GPC6: variants seen among roughly 807,000 people sequenced by gnomAD.
GPC6 encodes the protein glypican 6, also known as glypican-6.
Under a neutral mutation model 55.2 loss-of-function variants are expected in GPC6, and 14 were observed. That is an observed-to-expected ratio of 0.25 (90% CI 0.17 to 0.40). GPC6 has a LOEUF of 0.40. GPC6 is among the 10% of genes least tolerant of loss of function. The pLI is 1.00. For synonymous variants in GPC6, 278 were observed against 259.6 expected (o/e 1.07, Z -0.68); for missense variants, 641 against 708.5 (o/e 0.90, Z 1.08).
chr13:93,817,348 C>T (rs1015432790), intron 2 of GPC6, among the ~76,000 whole-genome samples: 3 of 150,388 alleles, frequency 2.0e-5, no homozygotes, highest in African/African-American at 7.3e-5. Context: ...TAGATTTATC[C>T]TTCTTGTGAG....
At chr13:93,490,474 T>A in intron 1 of GPC6, among the ~76,000 whole-genome samples, 1 of 145,096 alleles carries the variant, frequency 6.9e-6, no homozygotes, top group African/African-American at 2.6e-5. Flanking sequence ...TTTTTTTTTT[T>A]TTTCAACTTG....
chr13:93,901,118 T>A (rs1876325232), intron 3 of GPC6, among the ~76,000 whole-genome samples: 1 of 152,180 alleles, frequency 6.6e-6, no homozygotes, highest in Non-Finnish European at 1.5e-5. Context: ...AAAACGATGA[T>A]CAATTGACTA....
chr13:93,274,251 T>C (rs1594066425), intron 1 of GPC6, among the ~76,000 whole-genome samples: 1 of 152,120 alleles, frequency 6.6e-6, no homozygotes, highest in East Asian at 1.9e-4. Flanking sequence ...TTTAGGGTAT[T>C]GTATTATGGA....
chr13:93,740,097 A>G, intron 2 of GPC6, among the ~76,000 whole-genome samples: 1 of 152,198 alleles, frequency 6.6e-6, no homozygotes, highest in East Asian at 1.9e-4. Context: ...GATCTAAGTC[A>G]TTGAAGAATT....
chr13:93,665,502 A>G (rs1395257694), intron 2 of GPC6, among the ~76,000 whole-genome samples: 3 of 152,144 alleles, frequency 2.0e-5, no homozygotes, highest in African/African-American at 7.2e-5. Flanking sequence ...GTGTGTGTGC[A>G]TAAACATATG....
chr13:93,745,820 AAGAC>A (rs1476078253), intron 2 of GPC6, among the ~76,000 whole-genome samples: 2 of 152,238 alleles, frequency 1.3e-5, no homozygotes, highest in Non-Finnish European at 2.9e-5. Flanking sequence ...TAAGAAGAAG[AAGAC>A]AGTTATTTTT....
intron 2 of GPC6, among the ~76,000 whole-genome samples, chr13:93,546,358 T>C (rs9516251): frequency 0.18 from 27,342 of 152,172 alleles, 2,837 homozygotes; most frequent in East Asian, 0.29. Context: ...TTTTTTATTT[T>C]CTGTGTAGTA....
At chr13:93,780,876 A>T (rs1273327529) in intron 2 of GPC6, among the ~76,000 whole-genome samples, 1 of 152,214 alleles carries the variant, frequency 6.6e-6, no homozygotes, top group African/African-American at 2.4e-5. Context: ...GCTTGTCTTT[A>T]TTGACTGAAA....
At chr13:93,467,980 C>A (rs1390966334) in intron 1 of GPC6, among the ~76,000 whole-genome samples, 2 of 152,010 alleles carry the variant, frequency 1.3e-5, no homozygotes, top group African/African-American at 2.4e-5. Context: ...TTAGCTGAAC[C>A]TGAAAACTCT....
chr13:93,839,590 C>T (rs1282600948), intron 3 of GPC6, among the ~76,000 whole-genome samples: 4 of 152,100 alleles, frequency 2.6e-5, no homozygotes, highest in East Asian at 1.9e-4. Flanking sequence ...AAACTTTGCA[C>T]AGCAGTCACA....
At position 94,077,981 on chromosome 13, in the gene GPC6, C is replaced by T. The variant is rs568298429; in HGVS notation, c.877+50087C>T. On this transcript the variant is annotated intron_variant, in intron 4 of 8. Coordinates refer to ENST00000377047, the MANE Select transcript of GPC6 (RefSeq NM_005708.5). ...AATACACATTCTTTCTAAGTGCATG[C>T]GGAACATTCTTCAAGATGGATCACA... Among the ~76,000 whole-genome samples the T allele has an allele frequency of 8.6e-5, 13 of 151,860 alleles. No individual in the cohort carries two copies. The South Asian group carries it at 1.2e-3, about 15-fold the overall frequency.
chr13:93,624,897 T>A (rs535228479), intron 2 of GPC6, among the ~76,000 whole-genome samples: 1 of 152,326 alleles, frequency 6.6e-6, no homozygotes, highest in Non-Finnish European at 1.5e-5. Flanking sequence ...AGTCCTGGGA[T>A]TGATATTAAG....
At chr13:93,323,787 T>C (rs1879542004) in intron 1 of GPC6, among the ~76,000 whole-genome samples, 1 of 152,122 alleles carries the variant, frequency 6.6e-6, no homozygotes, top group Admixed American at 6.6e-5. Flanking sequence ...GATGAGGACA[T>C]AAAAGAGGGA....
chr13:94,280,954 G>A (rs963132267), intron 4 of GPC6, among the ~76,000 whole-genome samples: 1 of 151,986 alleles, frequency 6.6e-6, no homozygotes, highest in Non-Finnish European at 1.5e-5. Flanking sequence ...CCCAAAAGAA[G>A]GAAAGTTGTT....
At chr13:94,400,368 T>C (rs988986262) in intron 8 of GPC6, among the ~76,000 whole-genome samples, 2 of 152,218 alleles carry the variant, frequency 1.3e-5, no homozygotes, top group African/African-American at 4.8e-5. Flanking sequence ...CTTCCCACAT[T>C]TTTTAATATT....
At chr13:93,918,382 A>C (rs1430463376) in intron 3 of GPC6, among the ~76,000 whole-genome samples, 1 of 152,152 alleles carries the variant, frequency 6.6e-6, no homozygotes, top group Non-Finnish European at 1.5e-5. Flanking sequence ...TTAGTTTCTT[A>C]GGGATGAGCA....
At chr13:93,393,127 T>TATATATATAG (rs1230857277) in intron 1 of GPC6, among the ~76,000 whole-genome samples, 108 of 87,614 alleles carry the variant, frequency 1.2e-3, no homozygotes, top group East Asian at 9.3e-3. Context: ...TATATATATA[T>TATATATATAG]AGAGAGAGAG....
At chr13:93,570,355 C>G (rs1295488491) in intron 2 of GPC6, among the ~76,000 whole-genome samples, 1 of 152,152 alleles carries the variant, frequency 6.6e-6, no homozygotes, top group Non-Finnish European at 1.5e-5. Context: ...TCAGTACCCA[C>G]TAGTGAATAC....
chr13:93,460,009 T>C (rs1000269470), intron 1 of GPC6, among the ~76,000 whole-genome samples: 2 of 152,232 alleles, frequency 1.3e-5, no homozygotes, highest in Non-Finnish European at 2.9e-5. Context: ...TTTTGGCTTC[T>C]AGGGTGTGTG....
Sources: allele counts gnomAD v4.1 joint callset (sites outside exome capture counted in the v4.1 genomes callset), GRCh38; gene constraint gnomAD v4.1.1; transcripts MANE v1.5; gene names NCBI Gene and HGNC (gene_info 2026-07-23, HGNC 2026-07-21).